FOXP2: variants seen among roughly 807,000 people sequenced by gnomAD.
FOXP2 encodes the protein forkhead box protein P2.
Under a neutral mutation model 115.8 loss-of-function variants are expected in FOXP2, and 12 were observed. That is an observed-to-expected ratio of 0.10 (90% CI 0.07 to 0.17). The LOEUF is 0.17. Ranked by LOEUF, FOXP2 falls within the 10% of genes least tolerant of loss-of-function variation. The probability of loss-of-function intolerance (pLI) is 1.00; values close to 1 mark genes in which losing one functional copy is unlikely to be tolerated. For synonymous variants in FOXP2, 328 were observed against 297.7 expected, an observed-to-expected ratio of 1.10 and a Z score of -1.05; for missense variants, 629 against 843.5, an observed-to-expected ratio of 0.75 and a Z score of 3.15.
chr7:114,589,899 C>CTGTATT (rs1400154193), intron 3 of FOXP2, among the ~76,000 whole-genome samples: 2 of 151,798 alleles, frequency 1.3e-5, no homozygotes, highest in African/African-American at 2.4e-5. Context: ...GGTGCCTTTT[C>CTGTATT]TGTTTTTGTT....
intron 3 of FOXP2, among the ~76,000 whole-genome samples, chr7:114,571,195 A>T (rs1418595561): frequency 6.6e-6 from 1 of 151,920 alleles, no homozygotes; most frequent in East Asian, 1.9e-4. Context: ...GAGTGTTGAT[A>T]TGCAGAAAAT....
At chr7:114,295,212 G>C (rs2129177276) in intron 2 of FOXP2, among the ~76,000 whole-genome samples, 1 of 152,192 alleles carries the variant, frequency 6.6e-6, no homozygotes, top group South Asian at 2.1e-4. Flanking sequence ...TATTTGCTGG[G>C]AAGTGCACCA....
intron 2 of FOXP2, among the ~76,000 whole-genome samples, chr7:114,478,696 T>G (rs1481131392): frequency 6.6e-6 from 1 of 151,772 alleles, no homozygotes; most frequent in Non-Finnish European, 1.5e-5. Context: ...GAGTAAAATG[T>G]GAATAGCAGT....
Position 114,477,408 on chromosome 7 carries a change from A to G in FOXP2, c.168+50729A>G, listed in dbSNP as rs117111413. On this transcript the variant is annotated intron_variant, in intron 2 of 16. Transcript: ENST00000350908. The stretch of plus-strand genomic sequence containing the variant: ...CCTAAGCAAATTAACACAGCAACAG[A>G]AAACTAAATCCCACATGTCCTCACT... Among the ~76,000 whole-genome samples the G allele has an allele frequency of 6.1e-3, 921 of 152,134 alleles. 4 individuals carry two copies. Among genetic ancestry groups the G allele is most frequent in the Middle Eastern group, 0.027 (8 of 294 alleles).
chr7:114,107,051 G>T (rs1264187794), intron 1 of FOXP2, among the ~76,000 whole-genome samples: 1 of 151,916 alleles, frequency 6.6e-6, no homozygotes, highest in African/African-American at 2.4e-5. Flanking sequence ...CAGTAATAGG[G>T]TTAGATAAAT....
Position 114,163,089 on chromosome 7 carries a change from G to A in FOXP2, c.-102+1G>A, listed in dbSNP as rs896657085. 2.0e-5 allele frequency: 3 copies of A among 152,060 alleles called. No individual in the cohort carries two copies. Among genetic ancestry groups the A allele is most frequent in the African/African-American group, 7.2e-5 (3 of 41,430 alleles). 9.4% of individuals were successfully genotyped at this position (152,060 alleles called of 1,614,324 possible). ...AGAATTAAAGTCTAACTCTCCAAATGTAAGTCATCTGTACTGTACATATTT... is the reference window on the plus strand; with the variant it reads ...AGAATTAAAGTCTAACTCTCCAAATATAAGTCATCTGTACTGTACATATTT... On this transcript the variant is annotated splice_donor_variant, in intron 1 of 17. Transcript: ENST00000634411. LOFTEE classifies it low-confidence loss of function (5UTR_SPLICE).
intron 1 of FOXP2, among the ~76,000 whole-genome samples, chr7:114,249,489 T>A (rs1430758870): frequency 1.3e-5 from 2 of 152,014 alleles, no homozygotes; most frequent in East Asian, 1.9e-4. Context: ...CCTGTGTTAG[T>A]TTGGTGAGGA....
Position 114,693,731 on chromosome 7 carries a change from A to G in FOXP2, c.*3805A>G. The stretch of plus-strand genomic sequence containing the variant: ...TTCATTCACTTGATTACATTTCTGA[A>G]GTATAAATAAAAAAATCTAATTCTT... On this transcript the variant is annotated 3_prime_UTR_variant, in exon 17 of 17. Coordinates refer to ENST00000350908, the MANE Select transcript of FOXP2 (RefSeq NM_014491.4). The G allele has an allele frequency of 3.2e-6, 1 of 313,834 alleles. No individual in the cohort carries two copies. The highest frequency in any genetic ancestry group is 6.2e-6 in the Non-Finnish European group (1 of 161,252). 19.4% of individuals were successfully genotyped at this position (313,834 alleles called of 1,614,324 possible). A position where few individuals can be genotyped will look rare whatever the true frequency, so the allele number is the denominator to read the frequency against.
chr7:114,578,232 G>A (rs1801671245), intron 3 of FOXP2, among the ~76,000 whole-genome samples: 1 of 151,656 alleles, frequency 6.6e-6, no homozygotes, highest in South Asian at 2.1e-4. Flanking sequence ...CATACTTTTT[G>A]CGTATCTACT....
intron 2 of FOXP2, among the ~76,000 whole-genome samples, chr7:114,378,648 C>T (rs1310733469): frequency 2.7e-5 from 3 of 112,280 alleles, no homozygotes; most frequent in Admixed American, 1.3e-4. Flanking sequence ...CGAACCACTG[C>T]ACTCCAGCCT....
At chr7:114,176,604 G>A (rs1470744316) in intron 1 of FOXP2, among the ~76,000 whole-genome samples, 2 of 151,196 alleles carry the variant, frequency 1.3e-5, no homozygotes, top group African/African-American at 2.4e-5. Context: ...GCCTCCCAGA[G>A]TGTTGGGTGT....
intron 1 of FOXP2, among the ~76,000 whole-genome samples, chr7:114,214,767 T>G (rs1794446847): frequency 6.6e-6 from 1 of 152,178 alleles, no homozygotes; most frequent in Non-Finnish European, 1.5e-5. Context: ...TTTGCATAAC[T>G]CTGGGCTCAG....
intron 2 of FOXP2, among the ~76,000 whole-genome samples, chr7:114,289,380 T>A (rs903425215): frequency 1.3e-5 from 2 of 151,900 alleles, no homozygotes; most frequent in Non-Finnish European, 2.9e-5. Flanking sequence ...TTATAGCTAG[T>A]AATAAACAAT....
intron 2 of FOXP2, among the ~76,000 whole-genome samples, chr7:114,457,623 G>A (rs1296241569): frequency 6.6e-6 from 1 of 152,054 alleles, no homozygotes; most frequent in African/African-American, 2.4e-5. Flanking sequence ...TCATGGCTGG[G>A]CGCAGTGGCT....
intron 1 of FOXP2, among the ~76,000 whole-genome samples, chr7:114,263,273 C>A (rs1317242125): frequency 6.6e-6 from 1 of 151,872 alleles, no homozygotes; most frequent in Non-Finnish European, 1.5e-5. Context: ...TCCATTTTCC[C>A]CTTAATTTCT....
chr7:114,376,895 C>G (rs922457710), intron 2 of FOXP2, among the ~76,000 whole-genome samples: 6 of 152,128 alleles, frequency 3.9e-5, no homozygotes, highest in African/African-American at 1.4e-4. Context: ...TATGAAAGGC[C>G]TCTTTTTTAT....
At chr7:114,647,517 G>A (rs1247924237) in intron 8 of FOXP2, among the ~76,000 whole-genome samples, 1 of 151,780 alleles carries the variant, frequency 6.6e-6, no homozygotes, top group East Asian at 1.9e-4. Context: ...ATTTGTAACA[G>A]CAAGATGAAA....
chr7:114,481,738 G>A (rs539036598), intron 2 of FOXP2, among the ~76,000 whole-genome samples: 3 of 150,886 alleles, frequency 2.0e-5, no homozygotes, highest in Non-Finnish European at 4.5e-5. Flanking sequence ...ATTACTGTTC[G>A]TTGCAGATGA....
Position 114,685,949 on chromosome 7 carries a change from A to T in FOXP2, c.2004-3833A>T, listed in dbSNP as rs187576119. Reference sequence around the variant, plus strand: ...ATGAACTTAATAAGGATGATCCAGGAATATCAAGAGGAAAACCGGTGTTTT... The same window carrying T: ...ATGAACTTAATAAGGATGATCCAGGTATATCAAGAGGAAAACCGGTGTTTT... On this transcript the variant is annotated intron_variant, in intron 16 of 16. Coordinates refer to ENST00000350908, the MANE Select transcript of FOXP2 (RefSeq NM_014491.4). Among the ~76,000 whole-genome samples the T allele has an allele frequency of 3.3e-5, 5 of 152,168 alleles. No homozygotes were observed. The East Asian group carries it at 9.6e-4, about 29-fold the overall frequency.
Sources: allele counts gnomAD v4.1 joint callset (sites outside exome capture counted in the v4.1 genomes callset), GRCh38; gene constraint gnomAD v4.1.1; transcripts MANE v1.5; gene names NCBI Gene and HGNC (gene_info 2026-07-23, HGNC 2026-07-21).